The following PDE6C variants were observed in gnomAD, a reference collection of about 807,000 sequenced individuals.
The protein encoded by PDE6C is cone cGMP-specific 3',5'-cyclic phosphodiesterase subunit alpha'.
In PDE6C, 75 loss-of-function variants were observed where a neutral mutation model predicts 113.1. That is an observed-to-expected ratio of 0.66 (90% CI 0.55 to 0.80). PDE6C has a LOEUF of 0.80. Ranked by LOEUF, PDE6C falls within the 30% of genes least tolerant of loss-of-function variation. The pLI is 0.00. For synonymous variants in PDE6C, 375 were observed against 363.7 expected, an observed-to-expected ratio of 1.03 and a Z score of -0.35; for missense variants, 912 against 1,038.6, an observed-to-expected ratio of 0.88 and a Z score of 1.67.
intron 1 of PDE6C, among the ~76,000 whole-genome samples, chr10:93,616,197 G>A (rs187566525): frequency 3.9e-5 from 6 of 152,294 alleles, no homozygotes; most frequent in Admixed American, 3.3e-4. Context: ...GCAGATCTGG[G>A]GCAATAACTC....
At position 93,635,520 on chromosome 10, in the gene PDE6C, G is replaced by C. The variant is rs771586674; in HGVS notation, c.1293G>C (p.Trp431Cys). 6.2e-7 allele frequency: 1 copy of C among 1,611,212 alleles called. No homozygotes were observed. The highest frequency in any genetic ancestry group is 1.1e-5 in the South Asian group (1 of 91,000). Reference protein sequence around the residue: ...ITETLTQFLGWSLLNTDTYDK... With the variant: ...ITETLTQFLGCSLLNTDTYDK... ...AGACTCTCACACAATTTCTTGGATG[G>C]TCTCTTTTAAATACTGACACCTACG... is the stretch of plus-strand genomic sequence containing the variant. The change falls in exon 10 of 22, where the codon TGG (tryptophan) becomes TGC (cysteine). Residue 431 changes from tryptophan (W) to cysteine (C), a missense_variant. Coordinates refer to ENST00000371447, the MANE Select transcript of PDE6C (RefSeq NM_006204.4).
chr10:93,662,911 C>A, intron 20 of PDE6C, 117 bp from the exon 21 acceptor site: 1 of 938,906 alleles, frequency 1.1e-6, no homozygotes, highest in South Asian at 1.4e-5. Context: ...CGTGGTTAAA[C>A]TTATCCTAGC....
At chr10:93,641,103 C>A in intron 14 of PDE6C, 74 bp downstream of exon 14, 1 of 886,314 alleles carries the variant, frequency 1.1e-6, no homozygotes, top group Non-Finnish European at 1.9e-6. Context: ...AAAAACGCTT[C>A]TCCCTATTCC....
intron 11 of PDE6C, among the ~76,000 whole-genome samples, chr10:93,638,347 C>A (rs1382915648): frequency 6.6e-6 from 1 of 152,024 alleles, no homozygotes. Context: ...TACTTCCCAC[C>A]CCCGTGTTTT....
In PDE6C at chr10:93,661,410, T is replaced by C. The variant is rs144496190; in HGVS notation, c.2209-649T>C. 1.6e-4 allele frequency among the ~76,000 whole-genome samples: 25 copies of C among 152,320 alleles called. 1 individual carries two copies. In the East Asian group the frequency reaches 4.4e-3, roughly 27 times the overall value. On this transcript the variant is annotated intron_variant, in intron 18 of 21. Coordinates refer to ENST00000371447, the MANE Select transcript of PDE6C (RefSeq NM_006204.4). The stretch of plus-strand genomic sequence containing the variant: ...CCACCTCCTTCCTTCATGAAACTTA[T>C]CTTTACTCCCTTCTCCCTGACCCAT...
intron 8 of PDE6C, 148 bp downstream of exon 8, chr10:93,629,453 C>A (rs2058489378): frequency 1.4e-6 from 1 of 736,570 alleles, no homozygotes; most frequent in East Asian, 2.5e-5. Flanking sequence ...CCTGGCTGGG[C>A]CAGCAAGTAG....
At chr10:93,651,416 G>A (rs1483593519) in intron 15 of PDE6C, among the ~76,000 whole-genome samples, 1 of 152,178 alleles carries the variant, frequency 6.6e-6, no homozygotes, top group East Asian at 1.9e-4. Context: ...TGAAGGAGAA[G>A]GGGAAGCAAG....
chr10:93,649,406 A>T (rs1366111227), intron 15 of PDE6C, among the ~76,000 whole-genome samples: 2 of 152,220 alleles, frequency 1.3e-5, no homozygotes, highest in African/African-American at 2.4e-5. Context: ...AATATTTCTT[A>T]AATTGCTTCA....
chr10:93,644,812 G>GTATATAGTACTATATATATACTA (rs1564802358), intron 14 of PDE6C, among the ~76,000 whole-genome samples: 6 of 144,174 alleles, frequency 4.2e-5, no homozygotes, highest in African/African-American at 1.3e-4. Context: ...TATATAGTAT[G>GTATATAGTACTATATATATACTA]TATATAGTAC....
intron 10 of PDE6C, among the ~76,000 whole-genome samples, chr10:93,635,846 G>A (rs1382431145): frequency 8.5e-5 from 13 of 152,152 alleles, no homozygotes; most frequent in Admixed American, 8.5e-4. Flanking sequence ...GGCTGGAATA[G>A]CACTTTGTTC....
At chr10:93,647,011 C>G (rs918315552) in intron 15 of PDE6C, among the ~76,000 whole-genome samples, 4 of 152,174 alleles carry the variant, frequency 2.6e-5, no homozygotes, top group Admixed American at 6.5e-5. Context: ...TCTGCAGGAG[C>G]GGCTCAGCCC....
At chr10:93,665,285 A>G (rs1048788976) in intron 21 of PDE6C, 75 bp from the exon 22 acceptor site, 1 of 1,094,742 alleles carries the variant, frequency 9.1e-7, no homozygotes, top group African/African-American at 1.5e-5. Flanking sequence ...TGACACTACT[A>G]TCATGGGAAT....
intron 11 of PDE6C, among the ~76,000 whole-genome samples, chr10:93,639,430 C>G (rs556598140): frequency 5.3e-4 from 81 of 152,266 alleles, no homozygotes; most frequent in African/African-American, 1.9e-3. Flanking sequence ...TTCACATAAT[C>G]CGAAATCCTA....
Position 93,644,279 on chromosome 10 carries a change from C to T in PDE6C, c.1848-1681C>T, listed in dbSNP as rs996313464. ...TCTCCTTTGCAATTAATAAGTAATACGTGAAACGTTAGTTTGAGATCAGAT... is the reference window on the plus strand; with the variant it reads ...TCTCCTTTGCAATTAATAAGTAATATGTGAAACGTTAGTTTGAGATCAGAT... On this transcript the variant is annotated intron_variant, in intron 14 of 21. Transcript: ENST00000371447. Among the ~76,000 whole-genome samples the T allele has an allele frequency of 5.9e-5, 9 of 152,220 alleles. No individual in the cohort carries two copies. In the East Asian group the frequency reaches 9.7e-4, roughly 16 times the overall value.
At chr10:93,657,018 G>A (rs1375723557) in intron 16 of PDE6C, among the ~76,000 whole-genome samples, 1 of 152,102 alleles carries the variant, frequency 6.6e-6, no homozygotes. Context: ...AAAAACTAGT[G>A]ATGCAATTGA....
rs3737228 is a variant in PDE6C, at chr10:93,635,607, C to T, written c.1380C>T (p.Thr460=). 2 of 1,613,650 alleles carry T rather than the reference C, an allele frequency of 1.2e-6. No individual in the cohort carries two copies. The highest frequency in any genetic ancestry group is 1.7e-5 in the Admixed American group (1 of 59,984). ...DIAQEMLMNQ[T]KATPEEIKSI... Reference sequence around the variant, plus strand: ...CTCAGGAAATGCTCATGAACCAAACCAAAGCCACTCCTGAAGAAATTAAGT... The same window carrying T: ...CTCAGGAAATGCTCATGAACCAAACTAAAGCCACTCCTGAAGAAATTAAGT... Residue 460 remains threonine (T), a synonymous_variant, in exon 10 of 22, where the codon ACC becomes ACT. Coordinates refer to ENST00000371447, the MANE Select transcript of PDE6C (RefSeq NM_006204.4).
chr10:93,656,192 G>A (rs1374870847), intron 16 of PDE6C, among the ~76,000 whole-genome samples: 1 of 152,206 alleles, frequency 6.6e-6, no homozygotes, highest in African/African-American at 2.4e-5. Flanking sequence ...GAAGCCAAGA[G>A]ACCTCTCAAG....
In PDE6C at chr10:93,662,706, C is replaced by T. The variant is rs145153674; in HGVS notation, c.2367+63C>T. On this transcript the variant is annotated intron_variant, in intron 20 of 21. Coordinates refer to ENST00000371447, the MANE Select transcript of PDE6C (RefSeq NM_006204.4). Reference sequence around the variant, plus strand: ...TTTGGATGAGAAATTTTCTTTCAAACTGTCACCAAAATTTAGAAGTCACCC... The same window carrying T: ...TTTGGATGAGAAATTTTCTTTCAAATTGTCACCAAAATTTAGAAGTCACCC... 1,213 of 852,826 alleles carry T rather than the reference C, an allele frequency of 1.4e-3. 10 individuals carry two copies. In the African/African-American group the frequency reaches 0.018, roughly 13 times the overall value. 52.8% of individuals were successfully genotyped at this position (852,826 alleles called of 1,614,324 possible). A position where few individuals can be genotyped will look rare whatever the true frequency, so the allele number is the denominator to read the frequency against.
intron 15 of PDE6C, among the ~76,000 whole-genome samples, chr10:93,652,534 T>G (rs1405509634): frequency 6.6e-6 from 1 of 152,258 alleles, no homozygotes; most frequent in African/African-American, 2.4e-5. Flanking sequence ...ATGGTGACTA[T>G]AAACCCTTTT....
Sources: gnomAD v4.1 joint callset for allele counts (sites outside exome capture counted in the v4.1 genomes callset) on GRCh38, gnomAD v4.1.1 for gene constraint, MANE v1.5 for transcripts, NCBI Gene and HGNC (gene_info 2026-07-23, HGNC 2026-07-21) for gene names.